Variants in COL8A1 observed in about 807,000 individuals in gnomAD.
The protein encoded by COL8A1 is collagen type VIII alpha 1 chain, also known as collagen alpha-1(VIII) chain.
In COL8A1, 21 loss-of-function variants were observed where a neutral mutation model predicts 42.7. That is an observed-to-expected ratio of 0.49 (90% confidence interval 0.35 to 0.71). COL8A1 has a LOEUF of 0.71. Ranked by LOEUF, COL8A1 falls within the 30% of genes least tolerant of loss-of-function variation. The pLI is 0.01. For synonymous variants in COL8A1, 367 were observed against 369.1 expected, an observed-to-expected ratio of 0.99 and a Z score of 0.06; for missense variants, 788 against 962.4, an observed-to-expected ratio of 0.82 and a Z score of 2.40.
intron 1 of COL8A1, among the ~76,000 whole-genome samples, chr3:99,708,674 G>T (rs1225583897): frequency 6.6e-6 from 1 of 152,056 alleles, no homozygotes; most frequent in Non-Finnish European, 1.5e-5. Flanking sequence ...ATCTCTGCTG[G>T]ATAGGGCCCC....
chr3:99,644,746 T>C (rs535825818), intron 1 of COL8A1, among the ~76,000 whole-genome samples: 3 of 152,238 alleles, frequency 2.0e-5, no homozygotes, highest in African/African-American at 7.2e-5. Flanking sequence ...ATTGGATCAT[T>C]TGATGTGCTG....
intron 1 of COL8A1, among the ~76,000 whole-genome samples, chr3:99,728,787 C>A (rs563207373): frequency 1.6e-4 from 24 of 151,940 alleles, no homozygotes; most frequent in Admixed American, 2.6e-4. Flanking sequence ...ATATTATTAG[C>A]CCAAGCAAAG....
At chr3:99,668,247 T>C (rs550239094) in intron 1 of COL8A1, among the ~76,000 whole-genome samples, 3 of 152,258 alleles carry the variant, frequency 2.0e-5, no homozygotes, top group South Asian at 2.1e-4. Flanking sequence ...ACTAAAATTG[T>C]GTTATCAGGT....
Position 99,690,605 on chromosome 3 carries a change from G to T in COL8A1, c.-129+51941G>T, listed in dbSNP as rs911206587. 1.8e-4 allele frequency among the ~76,000 whole-genome samples: 28 copies of T among 152,188 alleles called. 1 individual carries two copies. The highest frequency in any genetic ancestry group is 1.5e-5 in the Non-Finnish European group (1 of 68,024). On this transcript the variant is annotated intron_variant, in intron 1 of 3. Coordinates refer to ENST00000652472, the MANE Select transcript of COL8A1 (RefSeq NM_020351.4). ...TTGGATGTGGATGATGAACATGAAA[G>T]ACAATGTGGCAGTTATTTTACTGGT...
At chr3:99,674,826 A>C (rs2107317037) in intron 1 of COL8A1, among the ~76,000 whole-genome samples, 1 of 152,250 alleles carries the variant, frequency 6.6e-6, no homozygotes, top group South Asian at 2.1e-4. Flanking sequence ...TTATTGAATA[A>C]TGATAAAGTA....
chr3:99,716,199 A>G (rs1402802996), intron 1 of COL8A1, among the ~76,000 whole-genome samples: 1 of 152,092 alleles, frequency 6.6e-6, no homozygotes, highest in Admixed American at 6.6e-5. Context: ...ACAGAGTAAT[A>G]GTCATTTTAG....
intron 1 of COL8A1, among the ~76,000 whole-genome samples, chr3:99,713,037 C>G (rs1027736117): frequency 1.3e-5 from 2 of 152,056 alleles, no homozygotes; most frequent in Admixed American, 6.6e-5. Flanking sequence ...AAAAGAGTAA[C>G]AAAAATTCTG....
chr3:99,656,740 T>C (rs1301068767), intron 1 of COL8A1, among the ~76,000 whole-genome samples: 2 of 152,254 alleles, frequency 1.3e-5, no homozygotes, highest in Non-Finnish European at 2.9e-5. Context: ...TCACGTCTTT[T>C]TCTAATAGTG....
intron 1 of COL8A1, among the ~76,000 whole-genome samples, chr3:99,696,953 A>G (rs931655225): frequency 1.3e-5 from 2 of 148,948 alleles, no homozygotes; most frequent in Non-Finnish European, 3.0e-5. Context: ...ATTTGCTATA[A>G]TCCCCACCGG....
At chr3:99,764,732 C>T (rs1050910608) in intron 2 of COL8A1, among the ~76,000 whole-genome samples, 2 of 139,386 alleles carry the variant, frequency 1.4e-5, no homozygotes, top group African/African-American at 5.5e-5. Context: ...TGGAGTCTCC[C>T]TCTGTCGCCC....
intron 1 of COL8A1, among the ~76,000 whole-genome samples, chr3:99,702,749 T>C (rs1393854051): frequency 2.0e-5 from 3 of 152,232 alleles, no homozygotes; most frequent in Admixed American, 2.0e-4. Context: ...GCTCACATTC[T>C]AGTAAGCAGT....
intron 1 of COL8A1, among the ~76,000 whole-genome samples, chr3:99,668,779 G>T (rs1187750995): frequency 6.6e-6 from 1 of 151,990 alleles, no homozygotes; most frequent in Non-Finnish European, 1.5e-5. Flanking sequence ...ATAGTAATAT[G>T]CCAGGCACAG....
intron 2 of COL8A1, among the ~76,000 whole-genome samples, chr3:99,746,793 C>T (rs1941035803): frequency 6.6e-6 from 1 of 152,174 alleles, no homozygotes; most frequent in Non-Finnish European, 1.5e-5. Context: ...ACATGGTCAT[C>T]AATTCAGGCA....
At position 99,790,992 on chromosome 3, in the gene COL8A1, G is replaced by A. The variant is rs201702692; in HGVS notation, c.310G>A (p.Val104Ile). 2.0e-5 allele frequency: 32 copies of A among 1,611,684 alleles called. No individual in the cohort carries two copies. Among genetic ancestry groups the A allele is most frequent in the Admixed American group, 5.0e-5 (3 of 59,942 alleles). Residue 104 changes from valine to isoleucine, a missense_variant, in exon 3 of 4, where the codon GTA becomes ATA. Coordinates refer to ENST00000652472, the MANE Select transcript of COL8A1 (RefSeq NM_020351.4). ...GGCGCCAAGAATGGGCAAGGAAGCC[G>A]TACCCAAGAAAGGCAAAGGTAACAT... ...QPAPRMGKEAVPKKGKEIPLA... is the reference protein window; with the variant it reads ...QPAPRMGKEAIPKKGKEIPLA...
chr3:99,676,008 A>C (rs1938682064), intron 1 of COL8A1, among the ~76,000 whole-genome samples: 1 of 152,118 alleles, frequency 6.6e-6, no homozygotes, highest in African/African-American at 2.4e-5. Flanking sequence ...TGCATACAGG[A>C]ATAATATTAA....
At chr3:99,719,460 T>G (rs1347411897) in intron 1 of COL8A1, among the ~76,000 whole-genome samples, 1 of 152,058 alleles carries the variant, frequency 6.6e-6, no homozygotes, top group African/African-American at 2.4e-5. Context: ...AATATAACAG[T>G]GAGCAAGACA....
intron 1 of COL8A1, among the ~76,000 whole-genome samples, chr3:99,672,173 A>G (rs1257219091): frequency 1.3e-5 from 2 of 152,086 alleles, no homozygotes; most frequent in African/African-American, 4.8e-5. Flanking sequence ...AGCTCAGAGC[A>G]GTAAGAATTA....
At chr3:99,741,974 G>A (rs1559624541) in intron 1 of COL8A1, among the ~76,000 whole-genome samples, 1 of 152,082 alleles carries the variant, frequency 6.6e-6, no homozygotes, top group Non-Finnish European at 1.5e-5. Context: ...TTTTGTTCAT[G>A]ATATTTTCAC....
rs896537980 is a variant in COL8A1 at position 99,797,996 on chromosome 3, G to A, written c.*1860G>A. ...ACTTGGAGCAATAATGTGGGGTTAT[G>A]GTGGTGGAATCTTGTATATTTTTGT... On this transcript the variant is annotated 3_prime_UTR_variant, in exon 4 of 4. Coordinates refer to ENST00000652472, the MANE Select transcript of COL8A1 (RefSeq NM_020351.4). The A allele has an allele frequency of 1.3e-5, 2 of 152,186 alleles. No individual in the cohort carries two copies. The highest frequency in any genetic ancestry group is 4.8e-5 in the African/African-American group (2 of 41,462). 9.4% of individuals were successfully genotyped at this position (152,186 alleles called of 1,614,324 possible).
Sources: gnomAD v4.1 joint callset for allele counts (sites outside exome capture counted in the v4.1 genomes callset) on GRCh38, gnomAD v4.1.1 for gene constraint, MANE v1.5 for transcripts, NCBI Gene and HGNC (gene_info 2026-07-23, HGNC 2026-07-21) for gene names.